The following VGLL4 variants were observed in gnomAD, a reference collection of about 807,000 sequenced individuals.
VGLL4 encodes transcription cofactor vestigial-like protein 4.
VGLL4 carries 7 observed loss-of-function variants against 21.0 expected under a neutral mutation model. The ratio of observed to expected loss-of-function variants is 0.33; its 90% confidence interval spans 0.19 to 0.63. The LOEUF is 0.63. Among genes scored for constraint, VGLL4 ranks in the 20% least tolerant of loss-of-function variants. The pLI is 0.78. For missense variants in VGLL4, 394 were observed against 425.7 expected (o/e 0.93, Z 0.66); for synonymous variants, 222 against 173.2 (o/e 1.28, Z -2.21).
At chr3:11,690,892 T>G (rs890431640) in intron 2 of VGLL4, among the ~76,000 whole-genome samples, 17 of 152,068 alleles carry the variant, frequency 1.1e-4, no homozygotes, top group Admixed American at 6.6e-4. Flanking sequence ...TATATGCACA[T>G]CAGATGCCAA....
At chr3:11,720,243 G>A (rs1321087985) in intron 1 of VGLL4, among the ~76,000 whole-genome samples, 4 of 151,642 alleles carry the variant, frequency 2.6e-5, no homozygotes, top group Non-Finnish European at 4.4e-5. Context: ...GCCGGATAAG[G>A]GCGCACCACC....
intron 1 of VGLL4, among the ~76,000 whole-genome samples, chr3:11,615,402 T>C (rs2075143112): frequency 6.6e-6 from 1 of 152,242 alleles, no homozygotes; most frequent in Non-Finnish European, 1.5e-5. Flanking sequence ...TAATCATTTC[T>C]TTATGATTAG....
At chr3:11,626,690 A>C (rs760005001) in intron 1 of VGLL4, among the ~76,000 whole-genome samples, 1 of 152,230 alleles carries the variant, frequency 6.6e-6, no homozygotes. Context: ...AATGAAGTAA[A>C]GAACAGTTGG....
rs2076963496 is a variant in VGLL4 at position 11,719,469 on chromosome 3, A to C, written c.-14+925T>G. 1 of 150,892 alleles carries C rather than the reference A, an allele frequency of 6.6e-6. No individual in the cohort carries two copies. The highest frequency in any genetic ancestry group is 1.5e-5 in the Non-Finnish European group (1 of 67,672). 9.3% of individuals were successfully genotyped at this position (150,892 alleles called of 1,614,324 possible). On this transcript the variant is annotated intron_variant, in intron 1 of 5. Transcript: ENST00000273038. This position sits in a 1 kb window ranked among gnomAD's most constrained non-coding sequence, Gnocchi z 4.0. ...TGGGGCCGGCCTGGCCCTGCGGGGG[A>C]CCCAGGGGCGGGGACGGGACCTGGG... is the stretch of plus-strand genomic sequence containing the variant.
At chr3:11,630,113 AC>A (rs1278375586) in intron 1 of VGLL4, among the ~76,000 whole-genome samples, 1 of 152,054 alleles carries the variant, frequency 6.6e-6, no homozygotes, top group East Asian at 1.9e-4. Context: ...CAAAATCACT[AC>A]CTCTGCCATG....
intron 1 of VGLL4, among the ~76,000 whole-genome samples, chr3:11,616,702 A>G (rs1160219072): frequency 6.6e-6 from 1 of 152,154 alleles, no homozygotes; most frequent in African/African-American, 2.4e-5. Context: ...GGACTGGCAG[A>G]AAAAAAATCA....
intron 2 of VGLL4, among the ~76,000 whole-genome samples, chr3:11,583,416 C>T (rs1296114955): frequency 2.0e-5 from 3 of 152,180 alleles, no homozygotes; most frequent in Admixed American, 6.5e-5. Flanking sequence ...GTGTCCATAA[C>T]ATTCCAAATC....
intron 1 of VGLL4, among the ~76,000 whole-genome samples, chr3:11,639,004 T>G (rs933343503): frequency 1.3e-5 from 2 of 152,216 alleles, no homozygotes; most frequent in African/African-American, 4.8e-5. Context: ...AATTCGCTCT[T>G]AAGCTTTGAG....
intron 2 of VGLL4, among the ~76,000 whole-genome samples, chr3:11,649,591 A>T (rs1412337325): frequency 2.0e-5 from 3 of 152,220 alleles, no homozygotes; most frequent in Non-Finnish European, 2.9e-5. Flanking sequence ...ATATCTCATG[A>T]TATCTCCTTT....
At chr3:11,575,605 C>T (rs907563623) in intron 2 of VGLL4, among the ~76,000 whole-genome samples, 2 of 152,190 alleles carry the variant, frequency 1.3e-5, no homozygotes, top group Non-Finnish European at 2.9e-5. Context: ...ACTTACCCAG[C>T]GGCAGCCGCT....
intron 2 of VGLL4, among the ~76,000 whole-genome samples, chr3:11,567,392 C>T (rs2073588819): frequency 6.6e-6 from 1 of 151,986 alleles, no homozygotes; most frequent in Admixed American, 6.6e-5. Context: ...TTTTTTCTTC[C>T]CCTTTATTTT....
At chr3:11,627,738 T>A (rs914127644) in intron 1 of VGLL4, among the ~76,000 whole-genome samples, 8 of 152,236 alleles carry the variant, frequency 5.3e-5, no homozygotes, top group Admixed American at 2.6e-4. Flanking sequence ...CAGTCACATT[T>A]ACATTAAAGA....
intron 1 of VGLL4, among the ~76,000 whole-genome samples, chr3:11,720,012 G>T (rs1481214528): frequency 6.6e-6 from 1 of 152,118 alleles, no homozygotes; most frequent in Non-Finnish European, 1.5e-5. Context: ...AAACACAAAC[G>T]CACATTTCGT....
chr3:11,612,952 T>C (rs1324162248), intron 1 of VGLL4, among the ~76,000 whole-genome samples: 2 of 152,206 alleles, frequency 1.3e-5, no homozygotes, highest in Non-Finnish European at 2.9e-5. Context: ...AGGAGAGTTA[T>C]GAAAGTAAAT....
chr3:11,624,027 C>A (rs1210600010), intron 1 of VGLL4, among the ~76,000 whole-genome samples: 1 of 152,182 alleles, frequency 6.6e-6, no homozygotes, highest in African/African-American at 2.4e-5. Flanking sequence ...CAGGCATGAG[C>A]CACAGCACCG....
At chr3:11,682,272 G>A (rs2076384331) in intron 2 of VGLL4, among the ~76,000 whole-genome samples, 1 of 152,076 alleles carries the variant, frequency 6.6e-6, no homozygotes, top group African/African-American at 2.4e-5. Flanking sequence ...GGGCGTGGTG[G>A]TGGGCACCTG....
Position 11,642,834 on chromosome 3 carries a change from C to T in VGLL4, c.82+603G>A, listed in dbSNP as rs573863792. Among the ~76,000 whole-genome samples the T allele has an allele frequency of 2.0e-5, 3 of 152,206 alleles. No individual in the cohort carries two copies. In the East Asian group the frequency reaches 5.8e-4, roughly 29 times the overall value. On this transcript the variant is annotated intron_variant, in intron 1 of 4. Coordinates refer to ENST00000430365, the MANE Select transcript of VGLL4 (RefSeq NM_001128219.3). ...CACAGGGAGCGGAGCGCGAGGAACA[C>T]CCCCCAGTGTCAGCGCTCCCCGGGC...
chr3:11,679,578 G>A (rs1321191226), intron 2 of VGLL4, among the ~76,000 whole-genome samples: 1 of 152,098 alleles, frequency 6.6e-6, no homozygotes, highest in Non-Finnish European at 1.5e-5. Context: ...TGCTACTCGG[G>A]AGGCTGAGGC....
intron 2 of VGLL4, among the ~76,000 whole-genome samples, chr3:11,659,953 G>C (rs949398228): frequency 6.6e-6 from 1 of 152,080 alleles, no homozygotes; most frequent in South Asian, 2.1e-4. Context: ...ATGAGGTCAG[G>C]AGATTGAGAC....
Sources: gnomAD v4.1 joint callset for allele counts (sites outside exome capture counted in the v4.1 genomes callset) on GRCh38, gnomAD v4.1.1 for gene constraint, Gnocchi (gnomAD v3.1) non-coding constraint, MANE v1.5 for transcripts, NCBI Gene and HGNC (gene_info 2026-07-23, HGNC 2026-07-21) for gene names.